RECK: variants seen among roughly 807,000 people sequenced by gnomAD.
RECK encodes reversion inducing cysteine rich protein with kazal motifs.
In RECK, 69 loss-of-function variants were observed where a neutral mutation model predicts 115.1. The observed-to-expected ratio is 0.60, with a 90% CI of 0.49 to 0.73. RECK has a LOEUF of 0.73. Among genes scored for constraint, RECK ranks in the 30% least tolerant of loss-of-function variants. RECK has a pLI of 0.00. For synonymous variants in RECK, 414 were observed against 419.7 expected (o/e 0.99, Z 0.17); for missense variants, 1,047 against 1,203.7 (o/e 0.87, Z 1.93).
At chr9:36,096,236 C>CA (rs1170301277) in intron 10 of RECK, among the ~76,000 whole-genome samples, 11 of 143,502 alleles carry the variant, frequency 7.7e-5, no homozygotes, top group African/African-American at 2.3e-4. Context: ...GACCCTATCT[C>CA]AAAAAAAAAA....
At chr9:36,091,472 A>G in intron 10 of RECK, 129 bp downstream of exon 10, 1 of 746,056 alleles carries the variant, frequency 1.3e-6, no homozygotes, top group Non-Finnish European at 2.0e-6. Flanking sequence ...TAATCTTTAA[A>G]TGCAGTATTC....
intron 6 of RECK, among the ~76,000 whole-genome samples, chr9:36,070,527 GAGAGT>G (rs2132601711): frequency 6.6e-6 from 1 of 150,920 alleles, no homozygotes; most frequent in African/African-American, 2.4e-5. Flanking sequence ...AAAAAAAATA[GAGAGT>G]AGAGAGCTGA....
At chr9:36,089,035 T>A (rs78588890) in intron 9 of RECK, among the ~76,000 whole-genome samples, 2,823 of 151,970 alleles carry the variant, frequency 0.019, 84 homozygotes, top group African/African-American at 0.064. Context: ...ATAAATTAAT[T>A]AATTAATTAA....
At chr9:36,046,373 G>A (rs768883711) in intron 1 of RECK, among the ~76,000 whole-genome samples, 11 of 152,168 alleles carry the variant, frequency 7.2e-5, no homozygotes, top group South Asian at 2.1e-4. Flanking sequence ...CATTGATAAC[G>A]AAGTCATATG....
Position 36,105,325 on chromosome 9 carries a change from G to A in RECK, c.1576+42G>A, listed in dbSNP as rs762612698. The A allele has an allele frequency of 2.0e-5, 32 of 1,601,894 alleles. 1 individual carries two copies. The South Asian group carries it at 3.4e-4, about 17-fold the overall frequency. Reference sequence around the variant, plus strand: ...TGTGAGAAGAGGATGGATAGGTGCTGCTAGTGTTTCTTTATAGGAGCTATC... The same window carrying A: ...TGTGAGAAGAGGATGGATAGGTGCTACTAGTGTTTCTTTATAGGAGCTATC... On this transcript the variant is annotated intron_variant, in intron 13 of 20. Transcript: ENST00000377966.
intron 6 of RECK, among the ~76,000 whole-genome samples, chr9:36,077,745 T>A (rs999853658): frequency 2.0e-5 from 3 of 152,202 alleles, no homozygotes; most frequent in Admixed American, 1.3e-4. Context: ...GAAGAACATC[T>A]CTGAACTCTG....
chr9:36,050,097 G>A (rs562275090), intron 1 of RECK, among the ~76,000 whole-genome samples: 8 of 152,274 alleles, frequency 5.3e-5, no homozygotes, highest in South Asian at 4.1e-4. Context: ...ATGCCATCAT[G>A]GCTTTAAATA....
chr9:36,102,153 A>G lies in RECK; in HGVS notation c.1358A>G (p.His453Arg), dbSNP rs954798658. 1 of 1,613,836 alleles carries G rather than the reference A, an allele frequency of 6.2e-7. No individual in the cohort carries two copies. ...GACCAGAACAAATTCCCTGAAGACC[A>G]CACAGCTGAAAGTATTTGTGAGCTT... The part of the protein sequence containing the change: ...CGDQNKFPED[H>R]TAESICELLS... Residue 453 changes from histidine (H) to arginine (R), a missense_variant, in exon 12 of 21, where the codon CAC becomes CGC. Coordinates refer to ENST00000377966, the MANE Select transcript of RECK (RefSeq NM_021111.3).
At chr9:36,122,644 T>C (rs558267316) in intron 20 of RECK, among the ~76,000 whole-genome samples, 180 bp from the exon 21 acceptor site, 117 of 152,218 alleles carry the variant, frequency 7.7e-4, no homozygotes, top group Non-Finnish European at 1.4e-3. Context: ...AATGCTGCTA[T>C]ATTTATGTAA....
intron 6 of RECK, chr9:36,066,840 G>C: frequency 7.8e-7 from 1 of 1,289,488 alleles, no homozygotes; most frequent in Non-Finnish European, 1.0e-6. Context: ...AAGTCTGCCA[G>C]TATGTGTTGA....
At chr9:36,041,389 G>C (rs750775524) in intron 1 of RECK, among the ~76,000 whole-genome samples, 2 of 152,168 alleles carry the variant, frequency 1.3e-5, no homozygotes, top group Non-Finnish European at 2.9e-5. Context: ...GTTTAGAGAT[G>C]GGAGCCCTGC....
In RECK at chr9:36,042,604, A is replaced by G. The variant is rs1820911977; in HGVS notation, c.100+5506A>G. Among the ~76,000 whole-genome samples the G allele has an allele frequency of 2.6e-5, 4 of 152,184 alleles. No homozygotes were observed. The South Asian group carries it at 8.3e-4, about 32-fold the overall frequency. ...ATTGATGGGCATTTGGGCTGCTTCC[A>G]TATTTTTGCAGTTGCTAATTGTGCT... On this transcript the variant is annotated intron_variant, in intron 1 of 20. Transcript: ENST00000377966.
chr9:36,102,874 T>G (rs111593207), intron 12 of RECK, among the ~76,000 whole-genome samples: 31 of 149,026 alleles, frequency 2.1e-4, no homozygotes, highest in African/African-American at 7.4e-4. Flanking sequence ...GAGAATGGCG[T>G]GAACCTGGGA....
At chr9:36,063,995 G>A in intron 5 of RECK, 115 bp downstream of exon 5, 1 of 878,390 alleles carries the variant, frequency 1.1e-6, no homozygotes, top group African/African-American at 1.7e-5. Flanking sequence ...CGTAAAAACT[G>A]CAAATTTAGC....
At chr9:36,063,309 A>G (rs953769843) in intron 4 of RECK, among the ~76,000 whole-genome samples, 5 of 152,152 alleles carry the variant, frequency 3.3e-5, no homozygotes, top group Non-Finnish European at 7.3e-5. Context: ...AATTGCCCCT[A>G]TTTACTAAGT....
In RECK at chr9:36,105,293, A is replaced by G. The variant is rs1554709437; in HGVS notation, c.1576+10A>G. 1.2e-6 allele frequency: 2 copies of G among 1,613,832 alleles called. No homozygotes were observed. The highest frequency in any genetic ancestry group is 1.1e-5 in the South Asian group (1 of 91,050). On this transcript the variant is annotated intron_variant, in intron 13 of 20. Coordinates refer to ENST00000377966, the MANE Select transcript of RECK (RefSeq NM_021111.3). ...TACTTTTGTGTTCAAGGTAAGAGGT[A>G]GGTGGGTGTGAGAAGAGGATGGATA...
At chr9:36,102,284 A>T (rs374274325) in intron 12 of RECK, 54 bp downstream of exon 12, 1 of 1,457,266 alleles carries the variant, frequency 6.9e-7, no homozygotes, top group Non-Finnish European at 9.4e-7. Context: ...CTCTCTTCCA[A>T]CTATTTGTTT....
chr9:36,118,818 G>T lies in RECK; in HGVS notation c.2315G>T (p.Cys772Phe), dbSNP rs759341423. The T allele has an allele frequency of 6.2e-6, 10 of 1,614,196 alleles. No homozygotes were observed. Among genetic ancestry groups the T allele is most frequent in the Non-Finnish European group, 7.6e-6 (9 of 1,180,042 alleles). ...AATGGTGAGACCTACAGCAGTGTGT[G>T]TGCTGCCTACTCGGATCGCGTGGCA... ...GHNGETYSSV[C>F]AAYSDRVAVD... is the part of the protein sequence containing the mutation. The change falls in exon 18 of 21, where the codon TGT (cysteine) becomes TTT (phenylalanine). Residue 772 changes from cysteine (C) to phenylalanine (F), a missense_variant. Coordinates refer to ENST00000377966, the MANE Select transcript of RECK (RefSeq NM_021111.3).
At chr9:36,095,911 A>T (rs1018349098) in intron 10 of RECK, among the ~76,000 whole-genome samples, 1 of 8,038 alleles carries the variant, frequency 1.2e-4, no homozygotes, top group Non-Finnish European at 4.3e-4. Context: ...TCTTTACTAA[A>T]AATACAAAAA....
Sources: gnomAD v4.1 joint callset for allele counts (sites outside exome capture counted in the v4.1 genomes callset) on GRCh38, gnomAD v4.1.1 for gene constraint, MANE v1.5 for transcripts, NCBI Gene and HGNC (gene_info 2026-07-23, HGNC 2026-07-21) for gene names.